Variants in CHRNA7 observed in about 807,000 individuals in gnomAD.
CHRNA7 encodes the protein neuronal acetylcholine receptor subunit alpha-7.
Under a neutral mutation model 48.0 loss-of-function variants are expected in CHRNA7, and 17 were observed. That is an observed-to-expected ratio of 0.35 (90% CI 0.24 to 0.53). The LOEUF (loss-of-function observed/expected upper bound fraction) is 0.53, where lower values mean the gene tolerates loss of function less well. Among genes scored for constraint, CHRNA7 ranks in the 20% least tolerant of loss-of-function variants. The pLI is 0.92. For missense variants in CHRNA7, 155 were observed against 577.7 expected (o/e 0.27, Z 7.50); for synonymous variants, 75 against 242.3 (o/e 0.31, Z 6.41).
chr15:32,125,916 T>C (rs2051058425), intron 4 of CHRNA7, among the ~76,000 whole-genome samples: 1 of 152,094 alleles, frequency 6.6e-6, no homozygotes, highest in Non-Finnish European at 1.5e-5. Context: ...TTTCAGCCCA[T>C]ACACTTCCTT....
At chr15:32,038,739 T>A (rs2049396007) in intron 2 of CHRNA7, among the ~76,000 whole-genome samples, 1 of 152,238 alleles carries the variant, frequency 6.6e-6, no homozygotes, top group Non-Finnish European at 1.5e-5. Flanking sequence ...TTTCTTAGAA[T>A]GTCTTTATCT....
At chr15:32,087,686 A>G (rs1450097274) in intron 2 of CHRNA7, among the ~76,000 whole-genome samples, 1 of 152,226 alleles carries the variant, frequency 6.6e-6, no homozygotes, top group East Asian at 1.9e-4. Flanking sequence ...TACACATGGC[A>G]TCCATTTACT....
chr15:32,126,742 G>A (rs893688287), intron 4 of CHRNA7, among the ~76,000 whole-genome samples: 3 of 152,024 alleles, frequency 2.0e-5, no homozygotes, highest in Admixed American at 2.0e-4. Context: ...GTTTCTAACA[G>A]ATTAATAATT....
At chr15:32,092,821 C>T (rs1045606831) in intron 2 of CHRNA7, among the ~76,000 whole-genome samples, 70 of 152,308 alleles carry the variant, frequency 4.6e-4, no homozygotes, top group African/African-American at 1.5e-3. Context: ...CACTTTGCAC[C>T]GGTTCCATAC....
At chr15:32,032,802 T>C (rs1366574796) in intron 2 of CHRNA7, among the ~76,000 whole-genome samples, 2 of 152,144 alleles carry the variant, frequency 1.3e-5, no homozygotes, top group East Asian at 1.9e-4. Flanking sequence ...CTCCTGAGGT[T>C]GCAAAGGCTG....
intron 3 of CHRNA7, among the ~76,000 whole-genome samples, chr15:32,103,423 A>AG (rs1555381867): frequency 4.0e-5 from 6 of 151,284 alleles, no homozygotes; most frequent in African/African-American, 1.2e-4. Flanking sequence ...AAAAAAAAAA[A>AG]AAAGAAAGAA....
At chr15:32,104,187 T>G (rs1435270197) in intron 3 of CHRNA7, among the ~76,000 whole-genome samples, 2 of 152,068 alleles carry the variant, frequency 1.3e-5, no homozygotes, top group Admixed American at 1.3e-4. Context: ...TGGCTCCTTT[T>G]TCCTCTCCCC....
Position 32,170,493 on chromosome 15 carries a change from A to G in CHRNA7, c.*2035A>G, listed in dbSNP as rs1163650948. On this transcript the variant is annotated 3_prime_UTR_variant, in exon 10 of 10. Coordinates refer to ENST00000306901, the MANE Select transcript of CHRNA7 (RefSeq NM_000746.6). ...AGAAGTGTTTTGATATATAAAAGGAATGCTTCATTTCTTATCATTATCCCA... is the reference window on the plus strand; with the variant it reads ...AGAAGTGTTTTGATATATAAAAGGAGTGCTTCATTTCTTATCATTATCCCA... The G allele has an allele frequency of 6.6e-6, 1 of 151,512 alleles. No individual in the cohort carries two copies. Among genetic ancestry groups the G allele is most frequent in the African/African-American group, 2.5e-5 (1 of 40,814 alleles). 9.4% of individuals were successfully genotyped at this position (151,512 alleles called of 1,614,324 possible).
At chr15:32,097,085 C>T (rs2141253826) in intron 2 of CHRNA7, among the ~76,000 whole-genome samples, 1 of 152,268 alleles carries the variant, frequency 6.6e-6, no homozygotes, top group East Asian at 1.9e-4. Flanking sequence ...CTCCTCTTCC[C>T]ACCTGCTGTA....
intron 2 of CHRNA7, among the ~76,000 whole-genome samples, chr15:32,043,277 G>T (rs190813561): frequency 1.3e-5 from 2 of 152,122 alleles, no homozygotes; most frequent in African/African-American, 4.8e-5. Context: ...GATTTATGAT[G>T]ATACTTATAA....
At chr15:32,144,494 A>G (rs970982761) in intron 4 of CHRNA7, among the ~76,000 whole-genome samples, 3 of 152,178 alleles carry the variant, frequency 2.0e-5, no homozygotes, top group Non-Finnish European at 2.9e-5. Flanking sequence ...CTCCTGGATA[A>G]TATCCTGAAG....
At chr15:32,151,592 G>T (rs1231157693) in intron 4 of CHRNA7, among the ~76,000 whole-genome samples, 1 of 152,030 alleles carries the variant, frequency 6.6e-6, no homozygotes, top group Admixed American at 6.5e-5. Context: ...TGTCCTCTAC[G>T]CTGTCTTCTT....
At chr15:32,055,903 C>T (rs867965897) in intron 2 of CHRNA7, among the ~76,000 whole-genome samples, 3 of 151,740 alleles carry the variant, frequency 2.0e-5, no homozygotes, top group East Asian at 1.9e-4. Context: ...GGCGTGAACC[C>T]GGGAGGCGGA....
At chr15:32,101,376 A>G (rs1252642573) in intron 3 of CHRNA7, 29 bp downstream of exon 3, 4 of 1,569,854 alleles carry the variant, frequency 2.5e-6, no homozygotes, top group South Asian at 1.2e-5. Flanking sequence ...AATCTCTCCC[A>G]TGGGCTGCAA....
At position 32,153,932 on chromosome 15, in the gene CHRNA7, T is replaced by A; in HGVS notation, c.376T>A (p.Phe126Ile). The stretch of plus-strand genomic sequence containing the variant: ...TGCTGATGAGCGCTTTGACGCCACA[T>A]TCCACACTAACGTGTTGGTGAATTC... ...NSADERFDAT[F>I]HTNVLVNSSG... The change falls in exon 5 of 10, where the codon TTC becomes ATC. Residue 126 changes from phenylalanine to isoleucine, a missense_variant. Phe to Ile is a conservative substitution (Grantham distance 21, BLOSUM62 0). Coordinates refer to ENST00000306901, the MANE Select transcript of CHRNA7 (RefSeq NM_000746.6). 1 of 595,260 alleles carries A rather than the reference T, an allele frequency of 1.7e-6. No individual in the cohort carries two copies. The highest frequency in any genetic ancestry group is 3.0e-6 in the Non-Finnish European group (1 of 332,426). 36.9% of individuals were successfully genotyped at this position (595,260 alleles called of 1,614,324 possible).
intron 2 of CHRNA7, among the ~76,000 whole-genome samples, chr15:32,050,425 C>T (rs911799635): frequency 6.6e-6 from 1 of 152,214 alleles, no homozygotes; most frequent in Non-Finnish European, 1.5e-5. Context: ...CCCATTCTTC[C>T]AGTTGATCGC....
At chr15:32,091,482 A>C (rs1010038967) in intron 2 of CHRNA7, among the ~76,000 whole-genome samples, 1 of 152,138 alleles carries the variant, frequency 6.6e-6, no homozygotes, top group Non-Finnish European at 1.5e-5. Context: ...GGCTTTGTGA[A>C]TTGGTTACAT....
intron 2 of CHRNA7, among the ~76,000 whole-genome samples, chr15:32,095,121 T>C (rs1257975992): frequency 6.6e-6 from 1 of 152,248 alleles, no homozygotes. Flanking sequence ...CCAGAGCCTG[T>C]GATATCTATA....
chr15:32,147,764 G>T (rs986297814), intron 4 of CHRNA7, among the ~76,000 whole-genome samples: 3 of 152,104 alleles, frequency 2.0e-5, no homozygotes, highest in African/African-American at 7.2e-5. Context: ...ATTGCTGATT[G>T]CAGACCCTCA....
Sources: gnomAD v4.1 joint callset for allele counts (sites outside exome capture counted in the v4.1 genomes callset) on GRCh38, gnomAD v4.1.1 for gene constraint, MANE v1.5 for transcripts, NCBI Gene and HGNC (gene_info 2026-07-23, HGNC 2026-07-21) for gene names.